Variants in RASGEF1B observed in about 807,000 individuals in gnomAD.
The protein encoded by RASGEF1B is RasGEF domain family member 1B.
In RASGEF1B, 30 loss-of-function variants were observed where a neutral mutation model predicts 65.7. The observed-to-expected ratio is 0.46, with a 90% confidence interval of 0.34 to 0.62. The LOEUF (loss-of-function observed/expected upper bound fraction) is 0.62, where lower values mean the gene tolerates loss of function less well. RASGEF1B is among the 20% of genes least tolerant of loss of function. The probability of loss-of-function intolerance (pLI) is 0.01; values close to 1 mark genes in which losing one functional copy is unlikely to be tolerated. For synonymous variants in RASGEF1B, 175 were observed against 194.8 expected (o/e 0.90, Z 0.85); for missense variants, 495 against 580.1 (o/e 0.85, Z 1.51).
intron 8 of RASGEF1B, among the ~76,000 whole-genome samples, chr4:81,444,999 G>A (rs1242822529): frequency 1.3e-5 from 2 of 152,134 alleles, no homozygotes; most frequent in African/African-American, 2.4e-5. Context: ...AAGACATATT[G>A]TTACCATACA....
Position 81,440,942 on chromosome 4 carries a change from G to C in RASGEF1B, c.1009-13C>G. 1 of 1,510,884 alleles carries C rather than the reference G, an allele frequency of 6.6e-7. No individual in the cohort carries two copies. The highest frequency in any genetic ancestry group is 1.1e-5 in the South Asian group (1 of 87,954). 93.6% of individuals were successfully genotyped at this position (1,510,884 alleles called of 1,614,324 possible). ...GGTCCATCTGATGCTATAGATAAAA[G>C]AGAGAAGAATATTAACTATTTATTT... is the stretch of plus-strand genomic sequence containing the variant. On this transcript the variant is annotated splice_polypyrimidine_tract_variant and intron_variant, in intron 9 of 13. Transcript: ENST00000264400.
chr4:81,464,068 T>A (rs1161903452), intron 1 of RASGEF1B, among the ~76,000 whole-genome samples: 1 of 152,224 alleles, frequency 6.6e-6, no homozygotes, highest in Non-Finnish European at 1.5e-5. Flanking sequence ...GCAGTTCTCA[T>A]GCCTTCCTTA....
chr4:81,448,307 C>T (rs769195977), intron 4 of RASGEF1B, 23 bp from the exon 5 acceptor site: 3 of 1,590,842 alleles, frequency 1.9e-6, no homozygotes, highest in Non-Finnish European at 2.6e-6. Flanking sequence ...CGAAGAATTA[C>T]ATCCGTACTC....
intron 1 of RASGEF1B, among the ~76,000 whole-genome samples, chr4:81,461,968 C>T (rs1012584271): frequency 6.6e-6 from 1 of 152,148 alleles, no homozygotes; most frequent in Non-Finnish European, 1.5e-5. Context: ...ATGGGTCACT[C>T]AGATTTTGTT....
intron 4 of RASGEF1B, chr4:81,454,895 A>C (rs1488976083): frequency 6.6e-6 from 1 of 152,228 alleles, no homozygotes; most frequent in Non-Finnish European, 1.5e-5. Flanking sequence ...TTTTAGTCTG[A>C]TTTTGTAAAA....
intron 1 of RASGEF1B, among the ~76,000 whole-genome samples, chr4:81,462,641 T>C (rs1223833124): frequency 6.6e-6 from 1 of 152,242 alleles, no homozygotes; most frequent in Non-Finnish European, 1.5e-5. Flanking sequence ...CCTCCCCATA[T>C]ACTCCAGACA....
intron 13 of RASGEF1B, 88 bp downstream of exon 13, chr4:81,432,211 A>G (rs1721454456): frequency 2.5e-6 from 2 of 791,466 alleles, no homozygotes; most frequent in Admixed American, 4.4e-5. Flanking sequence ...ACAGATAGAC[A>G]GCAGCTTCCT....
intron 8 of RASGEF1B, among the ~76,000 whole-genome samples, chr4:81,444,921 G>T (rs919632562): frequency 6.6e-6 from 1 of 152,152 alleles, no homozygotes; most frequent in Non-Finnish European, 1.5e-5. Context: ...ACTTTTTAAT[G>T]AAAGAGCTAC....
At position 81,427,019 on chromosome 4, in the gene RASGEF1B, A is replaced by G. The variant is rs952271651; in HGVS notation, c.*749T>C. The G allele has an allele frequency of 9.6e-5, 14 of 145,300 alleles. No homozygotes were observed. The highest frequency in any genetic ancestry group is 2.0e-4 in the Non-Finnish European group (13 of 66,620). The allele number at this position is 145,300 out of a possible 1,614,324, so 9.0% of individuals were successfully genotyped here. On this transcript the variant is annotated 3_prime_UTR_variant, in exon 14 of 14. Transcript: ENST00000264400. ...AAAAAAAAAAAAAAAAAGTCCTTCT[A>G]GCATGTTAAGCAGTCCAATGACAAA...
At chr4:81,464,897 C>A (rs1722756462) in intron 1 of RASGEF1B, among the ~76,000 whole-genome samples, 1 of 151,896 alleles carries the variant, frequency 6.6e-6, no homozygotes, top group Admixed American at 6.6e-5. Flanking sequence ...CCAGCCTGAC[C>A]AACATGAAGA....
chr4:81,469,884 G>A (rs145130424), intron 1 of RASGEF1B, among the ~76,000 whole-genome samples: 1 of 152,112 alleles, frequency 6.6e-6, no homozygotes, highest in Non-Finnish European at 1.5e-5. Flanking sequence ...GTAACACTTC[G>A]TTAGACAACT....
At chr4:81,439,377 C>T (rs929616128) in intron 10 of RASGEF1B, among the ~76,000 whole-genome samples, 1 of 152,114 alleles carries the variant, frequency 6.6e-6, no homozygotes, top group Non-Finnish European at 1.5e-5. Context: ...CTAAAGCAGA[C>T]ATAATTTATT....
intron 8 of RASGEF1B, among the ~76,000 whole-genome samples, chr4:81,444,752 G>A (rs748813000): frequency 2.0e-5 from 3 of 152,156 alleles, no homozygotes; most frequent in Non-Finnish European, 4.4e-5. Flanking sequence ...GGCCAGGGTG[G>A]TCTCGATCTC....
chr4:81,435,056 A>G (rs1721561052), intron 10 of RASGEF1B, among the ~76,000 whole-genome samples: 1 of 152,182 alleles, frequency 6.6e-6, no homozygotes, highest in Non-Finnish European at 1.5e-5. Context: ...TTATGAAAGA[A>G]AAAATACCTA....
At chr4:81,431,250 AAT>A (rs113190467) in intron 13 of RASGEF1B, among the ~76,000 whole-genome samples, 2,688 of 146,928 alleles carry the variant, frequency 0.018, 37 homozygotes, top group African/African-American at 0.031. Context: ...TATTTTATAT[AAT>A]ATATATATAT....
chr4:81,463,860 A>G (rs905938792), intron 1 of RASGEF1B, among the ~76,000 whole-genome samples: 2 of 152,236 alleles, frequency 1.3e-5, no homozygotes, highest in Non-Finnish European at 2.9e-5. Context: ...GTGAGGCCCA[A>G]AAGATTAAAT....
intron 1 of RASGEF1B, among the ~76,000 whole-genome samples, chr4:81,464,052 A>T (rs963849933): frequency 6.6e-6 from 1 of 152,198 alleles, no homozygotes; most frequent in Admixed American, 6.5e-5. Context: ...TATTTCATTC[A>T]GTCAGGCAGT....
intron 11 of RASGEF1B, 74 bp from the exon 12 acceptor site, chr4:81,434,037 A>G: frequency 1.6e-6 from 2 of 1,223,432 alleles, no homozygotes; most frequent in Non-Finnish European, 2.4e-6. Context: ...AGGCAATACC[A>G]TTTGAAATGA....
At chr4:81,449,471 G>A (rs970769879) in intron 4 of RASGEF1B, among the ~76,000 whole-genome samples, 1 of 152,214 alleles carries the variant, frequency 6.6e-6, no homozygotes, top group Admixed American at 6.5e-5. Context: ...AAGTTGCAGA[G>A]TCCATTCAGT....
Sources: allele counts gnomAD v4.1 joint callset (sites outside exome capture counted in the v4.1 genomes callset), GRCh38; gene constraint gnomAD v4.1.1; transcripts MANE v1.5; gene names NCBI Gene and HGNC (gene_info 2026-07-23, HGNC 2026-07-21).